Variants in PLA2G6 observed in about 807,000 individuals in gnomAD.
PLA2G6 encodes phospholipase A2 group VI.
In PLA2G6, 62 loss-of-function variants were observed where a neutral mutation model predicts 83.8. The ratio of observed to expected loss-of-function variants is 0.74; its 90% CI spans 0.60 to 0.91. The LOEUF (loss-of-function observed/expected upper bound fraction) is 0.91. Ranked by LOEUF, PLA2G6 falls within the 40% of genes least tolerant of loss-of-function variation. The probability of loss-of-function intolerance (pLI) is 0.00; values close to 1 mark genes in which losing one functional copy is unlikely to be tolerated. For missense variants in PLA2G6, 944 were observed against 1,102.0 expected (o/e 0.86, Z 2.03); for synonymous variants, 417 against 449.8 (o/e 0.93, Z 0.92).
rs2087190383 is a variant in PLA2G6 at position 38,116,271 on chromosome 22, C to T, written c.1743-60G>A. ...ACCCGCCCATCCACCTTTCCCTTTC[C>T]CCACAATTCACACCCCAGGGCCTTG... On this transcript the variant is annotated intron_variant, in intron 12 of 16. Transcript: ENST00000332509. 3 of 1,595,252 alleles carry T rather than the reference C, an allele frequency of 1.9e-6. No individual in the cohort carries two copies. In the South Asian group the frequency reaches 3.3e-5, roughly 18 times the overall value.
At position 38,115,387 on chromosome 22, in the gene PLA2G6, T is replaced by G. The variant is rs2087126696; in HGVS notation, c.2034+140A>C. On this transcript the variant is annotated intron_variant, in intron 14 of 16. Coordinates refer to ENST00000332509, the MANE Select transcript of PLA2G6 (RefSeq NM_003560.4). ...ATGGAACAGGTTCCAGTGAGATCAATTTGCCCTGTGTGCACATATGAATGA... is the reference window on the plus strand; with the variant it reads ...ATGGAACAGGTTCCAGTGAGATCAAGTTGCCCTGTGTGCACATATGAATGA... 22 of 755,310 alleles carry G rather than the reference T, an allele frequency of 2.9e-5. No homozygotes were observed. In the South Asian group the frequency reaches 3.3e-4, roughly 11 times the overall value. The allele number at this position is 755,310 out of a possible 1,614,324, so 46.8% of individuals were successfully genotyped here. A position where few individuals can be genotyped will look rare whatever the true frequency, so the allele number is the denominator to read the frequency against.
At chr22:38,129,181 C>A (rs1443320879) in intron 8 of PLA2G6, among the ~76,000 whole-genome samples, 3 of 152,254 alleles carry the variant, frequency 2.0e-5, no homozygotes, top group Admixed American at 6.5e-5. Context: ...TGTCCCCACC[C>A]CTGCTGGGAA....
In PLA2G6 at chr22:38,151,480, A is replaced by G. The variant is rs138820036; in HGVS notation, c.210-5827T>C. Among the ~76,000 whole-genome samples, 14 of 152,224 alleles carry G rather than the reference A, an allele frequency of 9.2e-5. No individual in the cohort carries two copies. In the East Asian group the frequency reaches 2.7e-3, roughly 29 times the overall value. ...GGTCTGGAAATCCTGGGCTCAAGCG[A>G]TCCTCCCGCCTAGGCTTCCCAAAGT... On this transcript the variant is annotated intron_variant, in intron 2 of 16. Coordinates refer to ENST00000332509, the MANE Select transcript of PLA2G6 (RefSeq NM_003560.4).
intron 6 of PLA2G6, 46 bp downstream of exon 6, chr22:38,134,942 G>A (rs778286338): frequency 7.1e-6 from 10 of 1,408,314 alleles, no homozygotes; most frequent in East Asian, 2.3e-5. Context: ...GAGGACCTGC[G>A]GGGCCCGGCC....
chr22:38,155,227 A>C (rs1036255659), intron 2 of PLA2G6, among the ~76,000 whole-genome samples: 1 of 143,184 alleles, frequency 7.0e-6, no homozygotes, highest in African/African-American at 2.5e-5. Flanking sequence ...ACTCCATCTC[A>C]AAAAAAAAAA....
Position 38,143,185 on chromosome 22 carries a change from T to C in PLA2G6, c.529A>G (p.Thr177Ala). 2.5e-6 allele frequency: 4 copies of C among 1,614,090 alleles called. No individual in the cohort carries two copies. The highest frequency in any genetic ancestry group is 3.4e-6 in the Non-Finnish European group (4 of 1,180,008). Reference protein sequence around the residue: ...ILVELVQYCHTQMDVTDYKGE... With the variant: ...ILVELVQYCHAQMDVTDYKGE... ...TTGTAGTCGGTGACATCCATCTGAG[T>C]GTGGCAGTACTGCACCAGCTCCACC... is the stretch of plus-strand genomic sequence containing the variant. The change falls in exon 4 of 17, where the codon ACT (threonine) becomes GCT (alanine). Residue 177 changes from threonine to alanine, a missense_variant. Thr to Ala is a moderately conservative substitution (Grantham distance 58). Coordinates refer to ENST00000332509, the MANE Select transcript of PLA2G6 (RefSeq NM_003560.4).
intron 2 of PLA2G6, among the ~76,000 whole-genome samples, chr22:38,158,396 C>G (rs1481567887): frequency 3.9e-5 from 6 of 152,128 alleles, no homozygotes; most frequent in Non-Finnish European, 5.9e-5. Flanking sequence ...GTCTCAAACT[C>G]CTTACCTCAG....
rs552737662 is a variant in PLA2G6, at chr22:38,145,466, C to T, written c.397G>A (p.Glu133Lys). 1.1e-5 allele frequency: 18 copies of T among 1,610,494 alleles called. No homozygotes were observed. Among genetic ancestry groups the T allele is most frequent in the East Asian group, 6.7e-5 (3 of 44,828 alleles). The change falls in exon 3 of 17, where the codon GAG becomes AAG. Residue 133 changes from glutamate to lysine, a missense_variant. Physicochemically the swap from Glu to Lys is moderately conservative, Grantham distance 56. Coordinates refer to ENST00000332509, the MANE Select transcript of PLA2G6 (RefSeq NM_003560.4). ...ATGATACGGCTGTGATGGAAGCACT[C>T]GCGGATCCCTAGCTCCACAGCCAGG... ...AHLAVELGIR[E>K]CFHHSRIISC...
At chr22:38,140,561 G>A in intron 4 of PLA2G6, 1 of 267,226 alleles carries the variant, frequency 3.7e-6, no homozygotes, top group Non-Finnish European at 7.4e-6. Flanking sequence ...CAGTGTGGAT[G>A]GGAGGGAAGG....
At chr22:38,114,198 T>TG (rs1555976447) in intron 14 of PLA2G6, among the ~76,000 whole-genome samples, 1 of 150,962 alleles carries the variant, frequency 6.6e-6, no homozygotes, top group Non-Finnish European at 1.5e-5. Flanking sequence ...TTTTTTTTTT[T>TG]GAGACGGAGT....
intron 5 of PLA2G6, chr22:38,135,470 T>A (rs758656054): frequency 3.9e-6 from 1 of 255,048 alleles, no homozygotes; most frequent in Non-Finnish European, 7.9e-6. Flanking sequence ...GTTCTGTGCC[T>A]GGCACACAGC....
intron 1 of PLA2G6, among the ~76,000 whole-genome samples, chr22:38,178,891 A>AG (rs1173492142): frequency 6.7e-6 from 1 of 149,442 alleles, no homozygotes; most frequent in African/African-American, 2.5e-5. Flanking sequence ...AACCAACCAA[A>AG]AAAAACCCCA....
rs574865368 is a variant in PLA2G6 at position 38,122,351 on chromosome 22, T to TG, written c.1591+743dup. Among the ~76,000 whole-genome samples the TG allele has an allele frequency of 2.9e-3, 438 of 152,162 alleles. 2 individuals carry two copies. The highest frequency in any genetic ancestry group is 0.017 in the Middle Eastern group (5 of 294). On this transcript the variant is annotated intron_variant, in intron 11 of 16. Transcript: ENST00000332509. ...AGTCCCAGGACAATGTCCAGGGGGT[T>TG]GGGGGGAGCTGAGGACCCTGATCTG...
intron 2 of PLA2G6, chr22:38,148,344 TTCTC>T (rs749458650): frequency 1.7e-6 from 1 of 591,776 alleles, no homozygotes; most frequent in African/African-American, 1.9e-5. Context: ...GGAACGATGA[TTCTC>T]TCTCAGAACT....
At chr22:38,116,851 CAAAAAAA>C (rs57712042) in intron 12 of PLA2G6, among the ~76,000 whole-genome samples, 5 of 37,646 alleles carry the variant, frequency 1.3e-4, no homozygotes, top group South Asian at 1.8e-3. Flanking sequence ...AACTCCGTCT[CAAAAAAA>C]AAAAAAAAAA....
chr22:38,152,550 C>G (rs1410971632), intron 2 of PLA2G6, among the ~76,000 whole-genome samples: 1 of 151,040 alleles, frequency 6.6e-6, no homozygotes, highest in African/African-American at 2.4e-5. Flanking sequence ...CTTATTTTCT[C>G]TTCCTCACTT....
Position 38,126,374 on chromosome 22 carries a change from C to T in PLA2G6, c.1424G>A (p.Arg475Gln), listed in dbSNP as rs139184008. The change falls in exon 10 of 17, where the codon CGG becomes CAG. Residue 475 changes from arginine (R) to glutamine (Q), a missense_variant. Arg to Gln is a conservative substitution (Grantham distance 43, BLOSUM62 1). Transcript: ENST00000332509. ...CCCCCGATCTCGATCCACTTACGTC[C>T]GCTTCTCGTCCCTCATGGAGCCCAG... The part of the protein sequence containing the change: ...FILGSMRDEK[R>Q]THDHLLCLDG... 3.2e-4 allele frequency: 509 copies of T among 1,612,254 alleles called. No individual in the cohort carries two copies. The highest frequency in any genetic ancestry group is 3.6e-4 in the Non-Finnish European group (429 of 1,178,676).
At chr22:38,158,693 TA>T (rs2089891546) in intron 2 of PLA2G6, among the ~76,000 whole-genome samples, 1 of 152,230 alleles carries the variant, frequency 6.6e-6, no homozygotes, top group African/African-American at 2.4e-5. Flanking sequence ...TCAGTGTCTA[TA>T]ATTTTTATAT....
intron 2 of PLA2G6, among the ~76,000 whole-genome samples, chr22:38,167,227 C>A (rs994223514): frequency 0.015 from 1,613 of 106,548 alleles, no homozygotes; most frequent in Middle Eastern, 0.018. Flanking sequence ...GACTCTGTCT[C>A]AAAAAAAAAA....
Sources: allele counts gnomAD v4.1 joint callset (sites outside exome capture counted in the v4.1 genomes callset), GRCh38; gene constraint gnomAD v4.1.1; transcripts MANE v1.5; gene names NCBI Gene and HGNC (gene_info 2026-07-23, HGNC 2026-07-21).